Variants in ART1 observed in about 807,000 individuals in gnomAD.
ART1 encodes ADP-ribosyltransferase 1, also known as GPI-linked NAD(P)(+)--arginine ADP-ribosyltransferase 1.
ART1 carries 29 observed loss-of-function variants against 27.0 expected under a neutral mutation model. The ratio of observed to expected loss-of-function variants is 1.08; its 90% confidence interval spans 0.80 to 1.47. ART1 has a LOEUF of 1.47. Among genes scored for constraint, ART1 ranks in the 40% most tolerant of loss-of-function variants. The pLI is 0.00. For missense variants in ART1, 480 were observed against 423.0 expected, an observed-to-expected ratio of 1.13 and a Z score of -1.18; for synonymous variants, 201 against 172.2, an observed-to-expected ratio of 1.17 and a Z score of -1.31.
Position 3,659,908 on chromosome 11 carries a change from AG to A in ART1, c.390del (p.Glu130AspfsTer29), listed in dbSNP as rs770886227. 6.2e-7 allele frequency: 1 copy of A among 1,613,026 alleles called. No individual in the cohort carries two copies. On this transcript the variant is annotated frameshift_variant, in exon 3 of 5. Coordinates refer to ENST00000250693, the MANE Select transcript of ART1 (RefSeq NM_004314.3). LOFTEE classifies it high-confidence loss of function. Reference protein sequence around the residue: ...AYTANSPLHKEFNAAVREAGR... With the variant: ...AYTANSPLHKXFNAAVREAGR... ...ACAGCCAACAGCCCCCTGCACAAGG[AG>A]TTCAATGCAGCCGTGCGTGAGGCGG... is the stretch of plus-strand genomic sequence containing the variant.
rs2077542437 is a variant in ART1 at position 3,653,371 on chromosome 11, T to C, written c.-52-5791T>C. On this transcript the variant is annotated intron_variant, in intron 1 of 4. Transcript: ENST00000250693. ...CCGGTTCCTGCCTTAACTGATGACA[T>C]TGTCTTGTGAAATTCCTTCTCCTGG... Among the ~76,000 whole-genome samples, 2 of 148,360 alleles carry C rather than the reference T, an allele frequency of 1.3e-5. 1 individual carries two copies. Among genetic ancestry groups the C allele is most frequent in the African/African-American group, 5.2e-5 (2 of 38,254 alleles).
chr11:3,651,406 G>A (rs1470273429), intron 1 of ART1, among the ~76,000 whole-genome samples: 1 of 147,360 alleles, frequency 6.8e-6, no homozygotes, highest in Non-Finnish European at 1.5e-5. Context: ...TGCTCTCCCT[G>A]CTGATAGTGT....
rs2077597419 is a variant in ART1 at position 3,659,158 on chromosome 11, C to T, written c.-52-4C>T. On this transcript the variant is annotated splice_polypyrimidine_tract_variant and splice_region_variant and intron_variant, in intron 1 of 4. Coordinates refer to ENST00000250693, the MANE Select transcript of ART1 (RefSeq NM_004314.3). ...CTATACAGATTAACACTGCAATTTTCCAGATGAGGAAACTGAGACCCAAAA... is the reference window on the plus strand; with the variant it reads ...CTATACAGATTAACACTGCAATTTTTCAGATGAGGAAACTGAGACCCAAAA... The T allele has an allele frequency of 1.9e-6, 3 of 1,546,846 alleles. No homozygotes were observed. In the East Asian group the frequency reaches 6.7e-5, roughly 35 times the overall value.
At chr11:3,646,971 A>G (rs1419831088) in intron 1 of ART1, among the ~76,000 whole-genome samples, 2 of 152,162 alleles carry the variant, frequency 1.3e-5, no homozygotes, top group African/African-American at 4.8e-5. Flanking sequence ...AAGAGGGTAC[A>G]TCTCACATTA....
At chr11:3,663,124 C>CTCATCTCATCTCA (rs2077635591) in intron 4 of ART1, among the ~76,000 whole-genome samples, 1 of 147,360 alleles carries the variant, frequency 6.8e-6, no homozygotes, top group Non-Finnish European at 1.5e-5. Context: ...CTCATCTCAT[C>CTCATCTCATCTCA]TCATCTCATC....
intron 1 of ART1, among the ~76,000 whole-genome samples, chr11:3,655,888 C>G (rs2077570543): frequency 6.7e-6 from 1 of 149,776 alleles, no homozygotes; most frequent in African/African-American, 2.4e-5. Flanking sequence ...GCTCTAGCCT[C>G]CTTGCTGGAC....
chr11:3,657,178 A>G (rs1337374224), intron 1 of ART1, among the ~76,000 whole-genome samples: 1 of 152,220 alleles, frequency 6.6e-6, no homozygotes, highest in Non-Finnish European at 1.5e-5. Flanking sequence ...TTTATGTAAC[A>G]TTTGTGTGAA....
At chr11:3,658,226 C>T (rs989981437) in intron 1 of ART1, among the ~76,000 whole-genome samples, 54 of 151,222 alleles carry the variant, frequency 3.6e-4, no homozygotes, top group African/African-American at 1.2e-3. Flanking sequence ...CCAGCTACTC[C>T]GGAGGCTGAG....
intron 1 of ART1, among the ~76,000 whole-genome samples, chr11:3,653,728 T>C (rs2077547965): frequency 6.6e-6 from 1 of 152,090 alleles, no homozygotes; most frequent in Non-Finnish European, 1.5e-5. Flanking sequence ...ATCCTTGATT[T>C]TTCCCTCTCT....
rs748155690 is a variant in ART1, at chr11:3,660,068, C to A, written c.549C>A (p.Gly183=). The A allele has an allele frequency of 3.1e-6, 5 of 1,613,626 alleles. No individual in the cohort carries two copies. In the African/African-American group the frequency reaches 5.3e-5, roughly 17 times the overall value. ...RCHQVFRGVH[G]LRFRPAGPRA... ...ACCAGGTGTTCCGAGGTGTGCACGG[C>A]CTGCGCTTCCGGCCAGCAGGGCCCC... Residue 183 remains glycine, a synonymous_variant, in exon 3 of 5, where the codon GGC becomes GGA. Transcript: ENST00000250693.
At chr11:3,661,564 G>A (rs1396603751) in intron 4 of ART1, 151 bp downstream of exon 4, 16 of 566,582 alleles carry the variant, frequency 2.8e-5, no homozygotes, top group African/African-American at 4.0e-5. Flanking sequence ...GCACAATCTC[G>A]GCTCACTGCA....
At chr11:3,650,151 C>T (rs375673166) in intron 1 of ART1, among the ~76,000 whole-genome samples, 5 of 152,234 alleles carry the variant, frequency 3.3e-5, no homozygotes, top group South Asian at 2.1e-4. Context: ...AACTTCCACA[C>T]GCCTGAACTG....
At chr11:3,662,461 A>G (rs552824821) in intron 4 of ART1, among the ~76,000 whole-genome samples, 1 of 151,856 alleles carries the variant, frequency 6.6e-6, no homozygotes, top group African/African-American at 2.4e-5. Flanking sequence ...CCTCTGATCC[A>G]CTCCAGGCAC....
At chr11:3,663,134 CTCATCTCA>C (rs1554883274) in intron 4 of ART1, among the ~76,000 whole-genome samples, 2 of 148,078 alleles carry the variant, frequency 1.4e-5, no homozygotes, top group African/African-American at 5.1e-5. Context: ...CTCATCTCAT[CTCATCTCA>C]TCATCATCTC....
In ART1 at chr11:3,649,405, C is replaced by A. The variant is rs141275740; in HGVS notation, c.-53+4226C>A. ...TGGACAAACGGTCTGAGGTGCCTGACGTCAAGGCATTCTTTTACACATCAG... is the reference window on the plus strand; with the variant it reads ...TGGACAAACGGTCTGAGGTGCCTGAAGTCAAGGCATTCTTTTACACATCAG... On this transcript the variant is annotated intron_variant, in intron 1 of 4. Coordinates refer to ENST00000250693, the MANE Select transcript of ART1 (RefSeq NM_004314.3). 8.5e-5 allele frequency among the ~76,000 whole-genome samples: 13 copies of A among 152,336 alleles called. 1 individual carries two copies. The East Asian group carries it at 2.5e-3, about 29-fold the overall frequency.
chr11:3,659,016 C>T, intron 1 of ART1, 146 bp from the exon 2 acceptor site: 4 of 587,542 alleles, frequency 6.8e-6, no homozygotes, highest in Non-Finnish European at 1.2e-5. Flanking sequence ...GGAAGTCACT[C>T]ATGTTCCTTT....
At position 3,661,373 on chromosome 11, in the gene ART1, C is replaced by A. The variant is rs775219808; in HGVS notation, c.846C>A (p.Asp282Glu). 1.9e-6 allele frequency: 3 copies of A among 1,610,334 alleles called. No homozygotes were observed. Among genetic ancestry groups the A allele is most frequent in the South Asian group, 1.1e-5 (1 of 90,684 alleles). The change falls in exon 4 of 5, where the codon GAC becomes GAA. Residue 282 changes from aspartate (D) to glutamate (E), a missense_variant and splice_region_variant. By Grantham distance (45) the Asp-to-Glu change is conservative (BLOSUM62 2). Coordinates refer to ENST00000250693, the MANE Select transcript of ART1 (RefSeq NM_004314.3). ...TTCTTTACTGTTTCTTTTCTATAGACAAGAAGTGCAAGTCTGGGCCTTGCC... is the reference window on the plus strand; with the variant it reads ...TTCTTTACTGTTTCTTTTCTATAGAAAAGAAGTGCAAGTCTGGGCCTTGCC... ...HSTYNCEYIK[D>E]KKCKSGPCHL...
At chr11:3,653,512 G>T (rs970245311) in intron 1 of ART1, among the ~76,000 whole-genome samples, 2 of 150,746 alleles carry the variant, frequency 1.3e-5, no homozygotes, top group African/African-American at 2.5e-5. Context: ...CCTATAAAAC[G>T]GACCCACCCT....
At chr11:3,662,810 C>G (rs1261098367) in intron 4 of ART1, among the ~76,000 whole-genome samples, 2 of 152,212 alleles carry the variant, frequency 1.3e-5, no homozygotes, top group Admixed American at 6.5e-5. Context: ...TGCCATTGCA[C>G]TCCAGCCTGG....
Sources: allele counts gnomAD v4.1 joint callset (sites outside exome capture counted in the v4.1 genomes callset), GRCh38; gene constraint gnomAD v4.1.1; transcripts MANE v1.5; gene names NCBI Gene and HGNC (gene_info 2026-07-23, HGNC 2026-07-21).